Variants in SLIT3 observed in about 807,000 individuals in gnomAD.
The protein encoded by SLIT3 is slit homolog 3 protein.
In SLIT3, 68 loss-of-function variants were observed where a neutral mutation model predicts 184.0. The observed-to-expected ratio is 0.37, with a 90% CI of 0.30 to 0.45. SLIT3 has a LOEUF of 0.45. SLIT3 is among the 20% of genes least tolerant of loss of function. The pLI is 1.00. For synonymous variants in SLIT3, 831 were observed against 828.6 expected (o/e 1.00, Z -0.05); for missense variants, 1,707 against 2,026.0 (o/e 0.84, Z 3.02).
intron 4 of SLIT3, among the ~76,000 whole-genome samples, chr5:169,082,393 T>A (rs1398959596): frequency 1.3e-5 from 2 of 152,248 alleles, no homozygotes; most frequent in East Asian, 3.8e-4. Flanking sequence ...AGTAATTTTT[T>A]AAAATATGCC....
intron 4 of SLIT3, among the ~76,000 whole-genome samples, chr5:169,055,568 G>A (rs1035444760): frequency 1.3e-5 from 2 of 152,188 alleles, no homozygotes; most frequent in Non-Finnish European, 2.9e-5. Context: ...AAGGTCGGGC[G>A]CAGTGGCTCA....
chr5:169,257,516 A>G, intron 1 of SLIT3, among the ~76,000 whole-genome samples: 1 of 146,652 alleles, frequency 6.8e-6, no homozygotes, highest in Non-Finnish European at 1.5e-5. Flanking sequence ...CTTTGATACA[A>G]TAGCTTTCTA....
At chr5:169,268,222 C>T (rs1000220383) in intron 1 of SLIT3, among the ~76,000 whole-genome samples, 22 of 152,036 alleles carry the variant, frequency 1.4e-4, no homozygotes, top group Admixed American at 2.0e-4. Flanking sequence ...GGAGGAGTGG[C>T]GGAGGGGGGA....
chr5:168,995,793 A>AC (rs1317303599), intron 4 of SLIT3: 1 of 152,314 alleles, frequency 6.6e-6, no homozygotes, highest in Non-Finnish European at 1.5e-5. Context: ...CCAAGCTGGG[A>AC]CCCCAACCCT....
chr5:168,756,385 G>A (rs879564712), intron 16 of SLIT3, among the ~76,000 whole-genome samples: 1 of 152,356 alleles, frequency 6.6e-6, no homozygotes, highest in Non-Finnish European at 1.5e-5. Flanking sequence ...AGGCCCCCAG[G>A]GTGAGGCCAT....
At chr5:169,134,801 T>C (rs185159942) in intron 4 of SLIT3, among the ~76,000 whole-genome samples, 186 of 152,358 alleles carry the variant, frequency 1.2e-3, no homozygotes, top group African/African-American at 4.3e-3. Context: ...GCTGGTCCAC[T>C]AGAGCTCTTG....
At chr5:169,052,768 C>G (rs757717959) in intron 4 of SLIT3, among the ~76,000 whole-genome samples, 3 of 152,194 alleles carry the variant, frequency 2.0e-5, no homozygotes, top group Non-Finnish European at 4.4e-5. Flanking sequence ...GTGGATTTCA[C>G]TCCACGCTAC....
intron 1 of SLIT3, among the ~76,000 whole-genome samples, chr5:169,284,133 G>A (rs376122351): frequency 4.6e-5 from 7 of 152,202 alleles, no homozygotes; most frequent in African/African-American, 1.7e-4. Context: ...GTTTGCCCAC[G>A]GCTGCACAGC....
intron 2 of SLIT3, among the ~76,000 whole-genome samples, chr5:169,245,572 C>A (rs1031736741): frequency 3.9e-5 from 6 of 152,092 alleles, no homozygotes; most frequent in Admixed American, 3.9e-4. Flanking sequence ...GGAAATGACA[C>A]AGATTGCACA....
At position 168,884,547 on chromosome 5, in the gene SLIT3, G is replaced by A. The variant is rs1210485939; in HGVS notation, c.414-1211C>T. On this transcript the variant is annotated intron_variant, in intron 4 of 35. Coordinates refer to ENST00000519560, the MANE Select transcript of SLIT3 (RefSeq NM_003062.4). The stretch of plus-strand genomic sequence containing the variant: ...AGATCTAACTACTGCTACCAATTAC[G>A]AGATATATATATATATATATATATA... Among the ~76,000 whole-genome samples, 7 of 9,318 alleles carry A rather than the reference G, an allele frequency of 7.5e-4. No homozygotes were observed. In the East Asian group the frequency reaches 0.016, roughly 21 times the overall value. 6.1% of individuals were successfully genotyped at this position (9,318 alleles called of 152,430 possible). A position where few individuals can be genotyped will look rare whatever the true frequency, so the allele number is the denominator to read the frequency against.
intron 29 of SLIT3, among the ~76,000 whole-genome samples, chr5:168,690,159 CAG>C (rs1761863824): frequency 6.8e-6 from 1 of 146,782 alleles, no homozygotes; most frequent in Non-Finnish European, 1.5e-5. Context: ...TTTTTTTAGA[CAG>C]AGTCTCCCTC....
intron 3 of SLIT3, among the ~76,000 whole-genome samples, chr5:169,219,857 C>T (rs1764565091): frequency 6.6e-6 from 1 of 152,204 alleles, no homozygotes; most frequent in South Asian, 2.1e-4. Flanking sequence ...CCTTGAGTGG[C>T]TTTTCCTTCA....
chr5:168,924,483 GGTGT>G (rs1440489719), intron 4 of SLIT3, among the ~76,000 whole-genome samples: 2 of 146,972 alleles, frequency 1.4e-5, no homozygotes, highest in Non-Finnish European at 3.0e-5. Context: ...AACATTTAAG[GGTGT>G]GTAAGGGTGT....
intron 5 of SLIT3, among the ~76,000 whole-genome samples, chr5:168,848,564 T>A (rs1003360693): frequency 6.6e-6 from 1 of 152,168 alleles, no homozygotes; most frequent in African/African-American, 2.4e-5. Context: ...CCAAAATGTT[T>A]CATGATATTA....
At chr5:169,050,191 T>A (rs975847920) in intron 4 of SLIT3, among the ~76,000 whole-genome samples, 1 of 152,188 alleles carries the variant, frequency 6.6e-6, no homozygotes, top group Non-Finnish European at 1.5e-5. Flanking sequence ...TTCTTCCTAC[T>A]TACTGCCCAA....
chr5:169,231,866 G>A (rs1012331429), intron 3 of SLIT3, among the ~76,000 whole-genome samples: 8 of 152,150 alleles, frequency 5.3e-5, no homozygotes, highest in Non-Finnish European at 1.2e-4. Context: ...ATTAGTGTGT[G>A]GTATGTGTCA....
At chr5:169,179,690 G>A (rs898721920) in intron 4 of SLIT3, among the ~76,000 whole-genome samples, 3 of 151,816 alleles carry the variant, frequency 2.0e-5, no homozygotes, top group Admixed American at 2.0e-4. Context: ...ATGAGCATAT[G>A]TGTGTGTGTG....
At chr5:168,905,495 G>A (rs1761018634) in intron 4 of SLIT3, among the ~76,000 whole-genome samples, 1 of 152,226 alleles carries the variant, frequency 6.6e-6, no homozygotes, top group South Asian at 2.1e-4. Context: ...AAAAGGCAAG[G>A]AAAGTAGTGT....
chr5:169,270,689 C>T (rs13436623), intron 1 of SLIT3, among the ~76,000 whole-genome samples: 9,599 of 151,926 alleles, frequency 0.063, 997 homozygotes, highest in African/African-American at 0.22. Flanking sequence ...AACAAGAAAG[C>T]GGCAGTCAAA....
Sources: allele counts gnomAD v4.1 joint callset (sites outside exome capture counted in the v4.1 genomes callset), GRCh38; gene constraint gnomAD v4.1.1; transcripts MANE v1.5; gene names NCBI Gene and HGNC (gene_info 2026-07-23, HGNC 2026-07-21).